Variants in MYH11 observed in about 807,000 individuals in gnomAD.
MYH11 encodes myosin-11.
A neutral mutation model predicts 246.6 loss-of-function variants in MYH11; 80 were observed. The ratio of observed to expected loss-of-function variants is 0.32; its 90% CI spans 0.27 to 0.39. The LOEUF is 0.39. MYH11 is among the 10% of genes least tolerant of loss of function. The probability of loss-of-function intolerance (pLI) is 1.00; values close to 1 mark genes in which losing one functional copy is unlikely to be tolerated. For synonymous variants in MYH11, 1,071 were observed against 1,015.5 expected, an observed-to-expected ratio of 1.05 and a Z score of -1.04; for missense variants, 2,158 against 2,546.8, an observed-to-expected ratio of 0.85 and a Z score of 3.29.
At chr16:15,795,976 T>C (rs1367036272) in intron 4 of MYH11, among the ~76,000 whole-genome samples, 2 of 152,328 alleles carry the variant, frequency 1.3e-5, no homozygotes, top group East Asian at 1.9e-4. Flanking sequence ...ATTTATTCAA[T>C]GAATAATGAG....
intron 9 of MYH11, among the ~76,000 whole-genome samples, chr16:15,769,517 C>T (rs1424936224): frequency 3.3e-5 from 5 of 151,112 alleles, no homozygotes; most frequent in Non-Finnish European, 7.4e-5. Context: ...CAGCTTCGAC[C>T]TCCTGGGCTC....
intron 38 of MYH11, among the ~76,000 whole-genome samples, chr16:15,716,536 G>A (rs1045668793): frequency 2.0e-5 from 3 of 152,094 alleles, no homozygotes; most frequent in Admixed American, 6.6e-5. Flanking sequence ...GTGTGTGTAT[G>A]TGTGTGGAAG....
At chr16:15,706,554 T>G (rs2039467205) in intron 40 of MYH11, among the ~76,000 whole-genome samples, 1 of 151,970 alleles carries the variant, frequency 6.6e-6, no homozygotes, top group African/African-American at 2.4e-5. Flanking sequence ...CTAAATATAC[T>G]AAATTAGCCG....
chr16:15,798,624 C>CAAAAAAAAAAAAA, intron 4 of MYH11, 36 bp downstream of exon 4: 1 of 870,260 alleles, frequency 1.1e-6, no homozygotes, highest in Non-Finnish European at 1.5e-6. Flanking sequence ...AAAAAAAAAA[C>CAAAAAAAAAAAAA]AAAAAAAAAA....
At chr16:15,711,199 CCT>C (rs1452388053) in intron 40 of MYH11, 8 of 152,238 alleles carry the variant, frequency 5.3e-5, no homozygotes, top group African/African-American at 1.2e-4. Context: ...TGGACTTTTC[CCT>C]GTCTCACGCA....
At chr16:15,802,729 G>A (rs531914345) in intron 3 of MYH11, among the ~76,000 whole-genome samples, 20 of 152,218 alleles carry the variant, frequency 1.3e-4, no homozygotes, top group Admixed American at 4.6e-4. Context: ...GATTACAGGC[G>A]TGAGCCACTG....
At chr16:15,778,908 G>T in intron 6 of MYH11, 65 bp from the exon 7 acceptor site, 1 of 1,499,854 alleles carries the variant, frequency 6.7e-7, no homozygotes, top group Non-Finnish European at 9.3e-7. Context: ...CCATGCTGTG[G>T]GCAAGCAGGA....
intron 2 of MYH11, among the ~76,000 whole-genome samples, chr16:15,829,392 G>A (rs529750793): frequency 1.2e-3 from 187 of 152,220 alleles, no homozygotes; most frequent in Non-Finnish European, 2.3e-3. Flanking sequence ...AGCTTTCTAA[G>A]CAAGCCAGGG....
chr16:15,830,638 G>C (rs1360000342), intron 2 of MYH11, among the ~76,000 whole-genome samples: 1 of 152,312 alleles, frequency 6.6e-6, no homozygotes, highest in Non-Finnish European at 1.5e-5. Flanking sequence ...AGCACTTTGG[G>C]AGGCTGAGGT....
chr16:15,808,719 T>G (rs1249038836), intron 3 of MYH11, among the ~76,000 whole-genome samples: 3 of 151,660 alleles, frequency 2.0e-5, no homozygotes, highest in African/African-American at 7.3e-5. Context: ...GACCCCTATC[T>G]CTATGAAAAA....
rs535636556 is a variant in MYH11 at position 15,846,088 on chromosome 16, G to C, written c.-17-7819C>G. Among the ~76,000 whole-genome samples the C allele has an allele frequency of 2.6e-5, 4 of 152,106 alleles. No homozygotes were observed. The South Asian group carries it at 8.3e-4, about 32-fold the overall frequency. On this transcript the variant is annotated intron_variant, in intron 1 of 40. Transcript: ENST00000300036. ...CACTCCAGCCTTGGCGACAGAGTCA[G>C]CCTCCATCTCAAAAAAAAAGAAGTG...
chr16:15,794,433 A>C (rs1315925939), intron 4 of MYH11, among the ~76,000 whole-genome samples: 2 of 152,214 alleles, frequency 1.3e-5, no homozygotes, highest in Admixed American at 6.5e-5. Flanking sequence ...TTCTGGGCTG[A>C]CTGGATGCAT....
In MYH11 at chr16:15,719,576, A is replaced by G. The variant is rs765235227; in HGVS notation, c.5082+9T>C. 6.2e-7 allele frequency: 1 copy of G among 1,614,056 alleles called. No homozygotes were observed. Among genetic ancestry groups the G allele is most frequent in the Non-Finnish European group, 8.5e-7 (1 of 1,180,038 alleles). ...CATCTGAGGCTCTCCTAGCAAGGCG[A>G]GGCTTTACCTCTTGTAGCTGCATGA... On this transcript the variant is annotated intron_variant, in intron 35 of 40. Transcript: ENST00000300036.
Position 15,719,771 on chromosome 16 carries a change from G to A in MYH11, c.4954-58C>T, listed in dbSNP as rs553955159. 5.2e-5 allele frequency: 83 copies of A among 1,610,982 alleles called. No homozygotes were observed. In the Admixed American group the frequency reaches 1.4e-3, roughly 27 times the overall value. ...TGTCCTTACTCCCCCAAGTTCTGCTGCCCAGTTCAGCTTTGCACACCCACC... is the reference window on the plus strand; with the variant it reads ...TGTCCTTACTCCCCCAAGTTCTGCTACCCAGTTCAGCTTTGCACACCCACC... On this transcript the variant is annotated intron_variant, in intron 34 of 40. Coordinates refer to ENST00000300036, the MANE Select transcript of MYH11 (RefSeq NM_002474.3).
Position 15,741,746 on chromosome 16 carries a change from A to G in MYH11, c.2652+14T>C, listed in dbSNP as rs371478494. 3.7e-5 allele frequency: 59 copies of G among 1,614,022 alleles called. No individual in the cohort carries two copies. The highest frequency in any genetic ancestry group is 3.6e-4 in the African/African-American group (27 of 74,908). On this transcript the variant is annotated intron_variant, in intron 21 of 40. Coordinates refer to ENST00000300036, the MANE Select transcript of MYH11 (RefSeq NM_002474.3). Reference sequence around the variant, plus strand: ...TGTTCCCCAGCAACCCCAGCCATGCATCCATACAGGTACCTGCGAGTGCTT... The same window carrying G: ...TGTTCCCCAGCAACCCCAGCCATGCGTCCATACAGGTACCTGCGAGTGCTT...
At chr16:15,798,578 T>G in intron 4 of MYH11, 82 bp downstream of exon 4, 1 of 1,404,972 alleles carries the variant, frequency 7.1e-7, no homozygotes, top group Non-Finnish European at 9.7e-7. Context: ...ATGGATCTTT[T>G]CTTTCATAGG....
chr16:15,844,258 C>A (rs2044131470), intron 1 of MYH11, among the ~76,000 whole-genome samples: 1 of 152,124 alleles, frequency 6.6e-6, no homozygotes, highest in Admixed American at 6.6e-5. Context: ...AGTGCAATGG[C>A]GGGATCTTGG....
chr16:15,786,778 C>G, intron 4 of MYH11, 46 bp from the exon 5 acceptor site: 1 of 1,532,742 alleles, frequency 6.5e-7, no homozygotes, highest in Non-Finnish European at 9.0e-7. Context: ...CCATGGTGAC[C>G]TTTCCGCAGT....
chr16:15,840,094 G>C (rs1427160446), intron 1 of MYH11, among the ~76,000 whole-genome samples: 1 of 152,022 alleles, frequency 6.6e-6, no homozygotes, highest in Admixed American at 6.6e-5. Flanking sequence ...GGAAAGGAAT[G>C]GATTAGTAAG....
Sources: allele counts gnomAD v4.1 joint callset (sites outside exome capture counted in the v4.1 genomes callset), GRCh38; gene constraint gnomAD v4.1.1; transcripts MANE v1.5; gene names NCBI Gene and HGNC (gene_info 2026-07-23, HGNC 2026-07-21).